The following CCDC7 variants were observed in gnomAD, a reference collection of about 807,000 sequenced individuals.
CCDC7 encodes the protein coiled-coil domain-containing protein 7.
CCDC7 carries 183 observed loss-of-function variants against 196.9 expected under a neutral mutation model. The observed-to-expected ratio is 0.93, with a 90% CI of 0.82 to 1.05. The LOEUF (loss-of-function observed/expected upper bound fraction) is 1.05, where lower values mean the gene tolerates loss of function less well. Ranked by LOEUF, CCDC7 falls within the 50% of genes least tolerant of loss-of-function variation. CCDC7 has a pLI of 0.00. For synonymous variants in CCDC7, 525 were observed against 484.6 expected, an observed-to-expected ratio of 1.08 and a Z score of -1.10; for missense variants, 1,540 against 1,482.2, an observed-to-expected ratio of 1.04 and a Z score of -0.64.
intron 41 of CCDC7, among the ~76,000 whole-genome samples, chr10:32,856,584 T>C (rs2093762952): frequency 6.6e-6 from 1 of 152,140 alleles, no homozygotes; most frequent in Non-Finnish European, 1.5e-5. Flanking sequence ...AAGCCACAGA[T>C]GTGCCCCCAT....
intron 20 of CCDC7, among the ~76,000 whole-genome samples, chr10:32,650,176 C>T (rs1363480735): frequency 6.6e-6 from 1 of 152,132 alleles, no homozygotes; most frequent in Non-Finnish European, 1.5e-5. Context: ...GAGCATAGTC[C>T]ATTGGCTTTG....
At position 32,479,267 on chromosome 10, in the gene CCDC7, T is replaced by G. The variant is rs549159559; in HGVS notation, c.796+5244T>G. 2.0e-5 allele frequency among the ~76,000 whole-genome samples: 3 copies of G among 152,262 alleles called. No individual in the cohort carries two copies. In the South Asian group the frequency reaches 6.2e-4, roughly 32 times the overall value. ...ATTCCAGCACTATGTTGAATAGAAG[T>G]GGCAAGAATGGGCATCTTTATCTTG... On this transcript the variant is annotated intron_variant, in intron 8 of 41. Transcript: ENST00000639629.
chr10:32,596,300 G>A (rs1002251917), intron 18 of CCDC7, among the ~76,000 whole-genome samples: 3 of 152,190 alleles, frequency 2.0e-5, no homozygotes, highest in African/African-American at 7.2e-5. Context: ...GGCCTTCTTT[G>A]TCTCTTTTTA....
intron 31 of CCDC7, among the ~76,000 whole-genome samples, chr10:32,823,129 C>T (rs747549508): frequency 2.0e-5 from 3 of 150,874 alleles, no homozygotes; most frequent in Non-Finnish European, 4.4e-5. Flanking sequence ...ATTGAAAACT[C>T]GTTTTGTCCA....
At chr10:32,572,942 A>G (rs2137121215) in intron 16 of CCDC7, among the ~76,000 whole-genome samples, 1 of 130,954 alleles carries the variant, frequency 7.6e-6, no homozygotes, top group Middle Eastern at 5.3e-3. Flanking sequence ...CAGTGGCATG[A>G]TCTCGGCTCA....
chr10:32,471,874 T>G (rs1205767740), intron 6 of CCDC7, among the ~76,000 whole-genome samples: 1 of 152,170 alleles, frequency 6.6e-6, no homozygotes, highest in African/African-American at 2.4e-5. Flanking sequence ...CATAAGTAGA[T>G]CCTTGGTTCA....
chr10:32,692,404 G>T (rs552478532), intron 23 of CCDC7, among the ~76,000 whole-genome samples: 4 of 152,220 alleles, frequency 2.6e-5, no homozygotes, highest in Non-Finnish European at 5.9e-5. Context: ...AAAAGCTCAT[G>T]TAAATAATAC....
intron 28 of CCDC7, among the ~76,000 whole-genome samples, chr10:32,731,796 G>A (rs1592142561): frequency 6.6e-6 from 1 of 152,190 alleles, no homozygotes; most frequent in East Asian, 1.9e-4. Context: ...ACTCAAGCCT[G>A]TAATCCCAGC....
intron 24 of CCDC7, among the ~76,000 whole-genome samples, chr10:32,697,426 G>A (rs1207222280): frequency 6.6e-6 from 1 of 152,192 alleles, no homozygotes; most frequent in African/African-American, 2.4e-5. Context: ...CTTAGTCAAG[G>A]GAAGCCATGA....
At chr10:32,489,543 G>T (rs2041830319) in intron 8 of CCDC7, among the ~76,000 whole-genome samples, 1 of 152,202 alleles carries the variant, frequency 6.6e-6, no homozygotes, top group East Asian at 1.9e-4. Context: ...AGTGGCTCTG[G>T]TGACTATATT....
At chr10:32,757,045 G>T (rs1010704857) in intron 28 of CCDC7, among the ~76,000 whole-genome samples, 2 of 152,158 alleles carry the variant, frequency 1.3e-5, no homozygotes, top group African/African-American at 4.8e-5. Context: ...TCAACAAGAA[G>T]AGCTAACTAT....
At chr10:32,541,836 A>G (rs1450604062) in intron 11 of CCDC7, among the ~76,000 whole-genome samples, 1 of 152,176 alleles carries the variant, frequency 6.6e-6, no homozygotes, top group African/African-American at 2.4e-5. Flanking sequence ...GTCCCTGTGG[A>G]GAGCTGAATC....
intron 18 of CCDC7, among the ~76,000 whole-genome samples, chr10:32,630,172 G>GT (rs951720249): frequency 4.1e-4 from 63 of 151,820 alleles, no homozygotes; most frequent in African/African-American, 1.5e-3. Flanking sequence ...CTGCCCCTTT[G>GT]TTTTTTTTGT....
chr10:32,639,882 G>C (rs992625453), intron 20 of CCDC7, among the ~76,000 whole-genome samples: 2 of 152,110 alleles, frequency 1.3e-5, no homozygotes, highest in Non-Finnish European at 2.9e-5. Flanking sequence ...CTCCCAAATT[G>C]CTGGGATTAC....
chr10:32,546,994 C>G (rs1189402057), intron 13 of CCDC7, among the ~76,000 whole-genome samples: 1 of 151,944 alleles, frequency 6.6e-6, no homozygotes, highest in Non-Finnish European at 1.5e-5. Context: ...TCCTCCTCCT[C>G]CTCTTCTTCC....
chr10:32,501,067 T>G (rs1012498696), intron 9 of CCDC7, among the ~76,000 whole-genome samples: 15 of 151,008 alleles, frequency 9.9e-5, no homozygotes, highest in Non-Finnish European at 2.2e-4. Context: ...GAGGGAGAGG[T>G]GTTTCTTTCT....
chr10:32,746,707 C>T (rs897317305), intron 28 of CCDC7, among the ~76,000 whole-genome samples: 22 of 152,208 alleles, frequency 1.4e-4, no homozygotes, highest in Admixed American at 1.3e-3. Context: ...CCTTTGCCAG[C>T]AGACCTCGGC....
chr10:32,469,641 T>G (rs568857533), intron 5 of CCDC7, among the ~76,000 whole-genome samples: 36 of 152,296 alleles, frequency 2.4e-4, no homozygotes, highest in African/African-American at 8.4e-4. Context: ...TCTGCACTGG[T>G]GGATTTTGCT....
intron 21 of CCDC7, among the ~76,000 whole-genome samples, chr10:32,676,557 A>C (rs2075012669): frequency 6.6e-6 from 1 of 152,218 alleles, no homozygotes; most frequent in Non-Finnish European, 1.5e-5. Flanking sequence ...AATGTGGGCG[A>C]AGGACATGAG....
Sources: allele counts gnomAD v4.1 joint callset (sites outside exome capture counted in the v4.1 genomes callset), GRCh38; gene constraint gnomAD v4.1.1; transcripts MANE v1.5; gene names NCBI Gene and HGNC (gene_info 2026-07-23, HGNC 2026-07-21).